The following ATRNL1 variants were observed in gnomAD, a reference collection of about 807,000 sequenced individuals.
ATRNL1 encodes the protein attractin-like protein 1.
Under a neutral mutation model 182.7 loss-of-function variants are expected in ATRNL1, and 95 were observed. The observed-to-expected ratio is 0.52, with a 90% CI of 0.44 to 0.62. The LOEUF is 0.62. Ranked by LOEUF, ATRNL1 falls within the 20% of genes least tolerant of loss-of-function variation. The pLI is 0.00. For missense variants in ATRNL1, 1,471 were observed against 1,679.5 expected, an observed-to-expected ratio of 0.88 and a Z score of 2.17; for synonymous variants, 576 against 568.3, an observed-to-expected ratio of 1.01 and a Z score of -0.19.
At chr10:115,859,110 ACT>A (rs1951252058) in intron 28 of ATRNL1, among the ~76,000 whole-genome samples, 1 of 151,644 alleles carries the variant, frequency 6.6e-6, no homozygotes, top group Admixed American at 6.6e-5. Flanking sequence ...CTGAAGCTCC[ACT>A]CTCTTGCCCT....
chr10:115,362,695 A>G (rs1277215884), intron 19 of ATRNL1, among the ~76,000 whole-genome samples: 3 of 151,120 alleles, frequency 2.0e-5, no homozygotes, highest in Non-Finnish European at 4.4e-5. Context: ...CACAGTCCCC[A>G]GAGTGTGATA....
intron 18 of ATRNL1, among the ~76,000 whole-genome samples, chr10:115,333,553 G>A (rs1190673452): frequency 2.7e-5 from 4 of 147,826 alleles, no homozygotes; most frequent in Admixed American, 2.1e-4. Context: ...GCACGATCTC[G>A]GCTCACTGCA....
intron 13 of ATRNL1, among the ~76,000 whole-genome samples, chr10:115,275,778 G>A (rs781789240): frequency 6.6e-6 from 1 of 152,108 alleles, no homozygotes; most frequent in African/African-American, 2.4e-5. Flanking sequence ...CTCAGTGAGG[G>A]TGAGCAGATC....
intron 5 of ATRNL1, among the ~76,000 whole-genome samples, chr10:115,133,915 A>G (rs929993404): frequency 2.0e-5 from 3 of 152,226 alleles, no homozygotes; most frequent in Admixed American, 6.5e-5. Flanking sequence ...GCTCAACTAC[A>G]TGGAAACTGA....
chr10:115,695,127 T>A (rs914276232), intron 26 of ATRNL1, among the ~76,000 whole-genome samples: 7 of 151,988 alleles, frequency 4.6e-5, no homozygotes, highest in Non-Finnish European at 4.4e-5. Context: ...ACACATTTTT[T>A]AAAAGAAAAG....
At chr10:115,389,320 C>T (rs555785878) in intron 19 of ATRNL1, among the ~76,000 whole-genome samples, 1 of 151,544 alleles carries the variant, frequency 6.6e-6, no homozygotes, top group African/African-American at 2.4e-5. Context: ...GCCTGCCCAA[C>T]ATAGTGAAAC....
intron 23 of ATRNL1, among the ~76,000 whole-genome samples, chr10:115,468,489 T>A (rs1337489533): frequency 6.6e-6 from 1 of 150,830 alleles, no homozygotes; most frequent in Non-Finnish European, 1.5e-5. Flanking sequence ...ATTCTAATTA[T>A]TTTTACTATT....
At position 115,464,360 on chromosome 10, in the gene ATRNL1, C is replaced by T. The variant is rs544790103; in HGVS notation, c.3417+2325C>T. On this transcript the variant is annotated intron_variant, in intron 22 of 28. Coordinates refer to ENST00000355044, the MANE Select transcript of ATRNL1 (RefSeq NM_207303.4). Reference sequence around the variant, plus strand: ...TTGAAAAACAGATTTAATTTTAACTCGCTATCCATCACTTCTAGCCAGTGC... The same window carrying T: ...TTGAAAAACAGATTTAATTTTAACTTGCTATCCATCACTTCTAGCCAGTGC... Among the ~76,000 whole-genome samples the T allele has an allele frequency of 1.1e-4, 16 of 151,984 alleles. No homozygotes were observed. The South Asian group carries it at 3.1e-3, about 30-fold the overall frequency.
chr10:115,160,139 C>G lies in ATRNL1; in HGVS notation c.929C>G (p.Ala310Gly), dbSNP rs1287812156. Residue 310 changes from alanine (A) to glycine (G), a missense_variant, in exon 6 of 29, where the codon GCA (alanine) becomes GGA (glycine). Ala to Gly is a moderately conservative substitution (Grantham distance 60, BLOSUM62 0). Transcript: ENST00000355044. ...TCTGTAGGTCGGGCTTCACATAAAG[C>G]AGTTTTACACGGGAAATTTATGTGG... ...SPSVGRASHK[A>G]VLHGKFMWVI... 1 of 1,612,406 alleles carries G rather than the reference C, an allele frequency of 6.2e-7. No homozygotes were observed. The highest frequency in any genetic ancestry group is 1.3e-5 in the African/African-American group (1 of 74,710).
chr10:115,716,455 AATGTTCAAC>A (rs1555056355), intron 26 of ATRNL1, among the ~76,000 whole-genome samples: 9 of 152,224 alleles, frequency 5.9e-5, no homozygotes, highest in Non-Finnish European at 1.3e-4. Flanking sequence ...AAACTACTTA[AATGTTCAAC>A]ACGAACTCCT....
intron 26 of ATRNL1, among the ~76,000 whole-genome samples, chr10:115,645,604 C>T (rs1447198133): frequency 2.6e-5 from 4 of 151,834 alleles, no homozygotes; most frequent in Admixed American, 6.6e-5. Context: ...TTTAACCAAA[C>T]TGAACTCTTG....
chr10:115,196,067 A>C (rs1313894880), intron 8 of ATRNL1, among the ~76,000 whole-genome samples: 1 of 152,084 alleles, frequency 6.6e-6, no homozygotes, highest in Admixed American at 6.6e-5. Context: ...AGCCTGAGGT[A>C]GGGAGACTGC....
chr10:115,410,439 A>T (rs1033825042), intron 20 of ATRNL1, among the ~76,000 whole-genome samples: 1 of 151,694 alleles, frequency 6.6e-6, no homozygotes, highest in Non-Finnish European at 1.5e-5. Context: ...CTCCTGCCTC[A>T]GCCTCCCGAG....
At chr10:115,231,716 C>A (rs1230771466) in intron 9 of ATRNL1, among the ~76,000 whole-genome samples, 1 of 151,898 alleles carries the variant, frequency 6.6e-6, no homozygotes, top group South Asian at 2.1e-4. Flanking sequence ...GCACTTTATT[C>A]ATAAGAACAG....
chr10:115,224,717 A>T (rs1411471179), intron 9 of ATRNL1, among the ~76,000 whole-genome samples: 3 of 152,200 alleles, frequency 2.0e-5, no homozygotes, highest in Non-Finnish European at 2.9e-5. Flanking sequence ...ATGACCGTAA[A>T]TTTGAAAAAG....
At chr10:115,929,288 T>A (rs1555121008) in intron 28 of ATRNL1, among the ~76,000 whole-genome samples, 4 of 152,110 alleles carry the variant, frequency 2.6e-5, no homozygotes, top group African/African-American at 9.7e-5. Context: ...AACATCAAAA[T>A]TTGCAAGGTT....
intron 28 of ATRNL1, among the ~76,000 whole-genome samples, chr10:115,856,449 A>AAAAAAAAAAAAAAAAAAAAAAC (rs1565439910): frequency 1.4e-5 from 2 of 147,860 alleles, no homozygotes; most frequent in Non-Finnish European, 3.0e-5. Flanking sequence ...AAAAAAAAAA[A>AAAAAAAAAAAAAAAAAAAAAAC]AGCCATACAT....
intron 26 of ATRNL1, among the ~76,000 whole-genome samples, chr10:115,647,738 C>T (rs1227194531): frequency 6.6e-6 from 1 of 152,184 alleles, no homozygotes; most frequent in Middle Eastern, 3.4e-3. Context: ...AATTTTCTCC[C>T]GTTCTGTAGG....
At chr10:115,479,544 C>A (rs1180682375) in intron 24 of ATRNL1, among the ~76,000 whole-genome samples, 1 of 151,362 alleles carries the variant, frequency 6.6e-6, no homozygotes, top group Non-Finnish European at 1.5e-5. Context: ...TTTTAGGTTG[C>A]CAATCTCTTT....
Sources: allele counts gnomAD v4.1 joint callset (sites outside exome capture counted in the v4.1 genomes callset), GRCh38; gene constraint gnomAD v4.1.1; transcripts MANE v1.5; gene names NCBI Gene and HGNC (gene_info 2026-07-23, HGNC 2026-07-21).